Variants in TSHZ2 observed in about 807,000 individuals in gnomAD.
TSHZ2 encodes the protein teashirt homolog 2.
In TSHZ2, 21 loss-of-function variants were observed where a neutral mutation model predicts 74.4. That is an observed-to-expected ratio of 0.28 (90% CI 0.20 to 0.41). The LOEUF is 0.41. Among genes scored for constraint, TSHZ2 ranks in the 10% least tolerant of loss-of-function variants. TSHZ2 has a pLI of 1.00. For synonymous variants in TSHZ2, 540 were observed against 515.3 expected (o/e 1.05, Z -0.65); for missense variants, 1,244 against 1,293.5 (o/e 0.96, Z 0.59).
chr20:53,046,445 C>T lies in TSHZ2; in HGVS notation c.40+73112C>T, dbSNP rs539046057. On this transcript the variant is annotated intron_variant, in intron 1 of 2. Transcript: ENST00000371497. ...TATTTTTATCTTGCCCTGCAGGCTG[C>T]CTCGCCTTGAGCAATGCTGTGTGAT... is the stretch of plus-strand genomic sequence containing the variant. Among the ~76,000 whole-genome samples, 30 of 152,206 alleles carry T rather than the reference C, an allele frequency of 2.0e-4. No homozygotes were observed. The South Asian group carries it at 5.4e-3, about 27-fold the overall frequency.
chr20:53,369,143 T>C (rs1981377717), intron 2 of TSHZ2, among the ~76,000 whole-genome samples: 1 of 152,098 alleles, frequency 6.6e-6, no homozygotes, highest in Non-Finnish European at 1.5e-5. Context: ...TGCACACCTG[T>C]AGTCCCAGCT....
chr20:53,186,821 GGA>G (rs1487446231), intron 1 of TSHZ2, among the ~76,000 whole-genome samples: 7 of 152,140 alleles, frequency 4.6e-5, no homozygotes, highest in Non-Finnish European at 7.4e-5. Flanking sequence ...ATCACTTGGG[GGA>G]GAGTTACTTC....
At chr20:53,037,146 GCGC>G (rs1983852292) in intron 1 of TSHZ2, among the ~76,000 whole-genome samples, 1 of 152,054 alleles carries the variant, frequency 6.6e-6, no homozygotes, top group Non-Finnish European at 1.5e-5. Flanking sequence ...GAATTTTCAG[GCGC>G]CGCCTCCGAG....
At chr20:53,196,258 G>A (rs1391955771) in intron 1 of TSHZ2, 2 of 150,500 alleles carry the variant, frequency 1.3e-5, no homozygotes, top group African/African-American at 4.9e-5. Flanking sequence ...CAATGAGCAA[G>A]AGGAATTCTC....
chr20:52,980,576 T>C (rs1981527425), intron 1 of TSHZ2, among the ~76,000 whole-genome samples: 1 of 152,230 alleles, frequency 6.6e-6, no homozygotes, highest in African/African-American at 2.4e-5. Flanking sequence ...AAGCCATTTC[T>C]ATGGAAATTA....
rs900004840 is a variant in TSHZ2 at position 53,489,022 on chromosome 20, G to A, written c.*1887G>A. Reference sequence around the variant, plus strand: ...ATTCTGAAGTAATGAGGCATGGACAGAAAATATACCCCTCACATCATCGGA... The same window carrying A: ...ATTCTGAAGTAATGAGGCATGGACAAAAAATATACCCCTCACATCATCGGA... On this transcript the variant is annotated 3_prime_UTR_variant, in exon 3 of 3. Transcript: ENST00000371497. The A allele has an allele frequency of 1.3e-5, 6 of 456,088 alleles. No individual in the cohort carries two copies. The highest frequency in any genetic ancestry group is 7.1e-5 in the Admixed American group (3 of 42,546). The allele number at this position is 456,088 out of a possible 1,614,324, so 28.3% of individuals were successfully genotyped here.
At chr20:53,310,363 G>C (rs1285145416) in intron 2 of TSHZ2, among the ~76,000 whole-genome samples, 1 of 152,204 alleles carries the variant, frequency 6.6e-6, no homozygotes, top group Non-Finnish European at 1.5e-5. Flanking sequence ...TCTTAGATGT[G>C]TCACCTAATT....
chr20:53,155,978 T>A (rs1386144761), intron 1 of TSHZ2, among the ~76,000 whole-genome samples: 1 of 152,184 alleles, frequency 6.6e-6, no homozygotes, highest in Non-Finnish European at 1.5e-5. Context: ...AGGTTTTACA[T>A]ATGTCTCTAA....
At chr20:53,271,315 T>C (rs1990833003) in intron 2 of TSHZ2, among the ~76,000 whole-genome samples, 1 of 152,202 alleles carries the variant, frequency 6.6e-6, no homozygotes, top group Non-Finnish European at 1.5e-5. Flanking sequence ...CTGTCTCTTC[T>C]ATCAAGCAGC....
At chr20:53,475,211 T>A (rs1985957382) in intron 2 of TSHZ2, among the ~76,000 whole-genome samples, 1 of 136,696 alleles carries the variant, frequency 7.3e-6, no homozygotes, top group Non-Finnish European at 1.6e-5. Flanking sequence ...ATACATTTTT[T>A]TCAGCACCAC....
At chr20:53,157,509 C>A (rs1164276312) in intron 1 of TSHZ2, among the ~76,000 whole-genome samples, 1 of 151,238 alleles carries the variant, frequency 6.6e-6, no homozygotes, top group African/African-American at 2.4e-5. Context: ...TGGGCTCAAG[C>A]AATCCTCATG....
At chr20:53,284,985 G>A (rs547203065) in intron 2 of TSHZ2, among the ~76,000 whole-genome samples, 4 of 152,244 alleles carry the variant, frequency 2.6e-5, no homozygotes, top group South Asian at 4.2e-4. Flanking sequence ...CACGAGGGCC[G>A]GCGCTGCAAT....
chr20:53,112,635 C>A (rs571079862), intron 1 of TSHZ2, among the ~76,000 whole-genome samples: 1 of 152,166 alleles, frequency 6.6e-6, no homozygotes, highest in South Asian at 2.1e-4. Flanking sequence ...CTCAAGCAAT[C>A]CTGAGTAGCA....
At chr20:53,163,360 CTTTTTTTTT>C (rs55685519) in intron 1 of TSHZ2, among the ~76,000 whole-genome samples, 10 of 65,634 alleles carry the variant, frequency 1.5e-4, no homozygotes, top group East Asian at 6.2e-4. Flanking sequence ...CTCTCTGTCT[CTTTTTTTTT>C]TTTTTTTTTT....
Position 53,246,040 on chromosome 20 carries a change from C to CTTTTTTTTTTTTTTTTTTTTTTT in TSHZ2, c.41-7446_41-7445insTTTTTTTTTTTTTTTTTTTTTTT, listed in dbSNP as rs57243805. On this transcript the variant is annotated intron_variant, in intron 1 of 2. Coordinates refer to ENST00000371497, the MANE Select transcript of TSHZ2 (RefSeq NM_173485.6). Reference sequence around the variant, plus strand: ...TGTGCTTTTCTTTCTTTCTTTCTTTCTTTTTTTTTTTTTGTTTGAGACAGA... The same window carrying CTTTTTTTTTTTTTTTTTTTTTTT: ...TGTGCTTTTCTTTCTTTCTTTCTTTCTTTTTTTTTTTTTTTTTTTTTTTTTTTTTTTTTTTTGTTTGAGACAGA... Among the ~76,000 whole-genome samples the CTTTTTTTTTTTTTTTTTTTTTTT allele has an allele frequency of 1.7e-3, 219 of 130,532 alleles. 4 individuals carry two copies. The highest frequency in any genetic ancestry group is 3.4e-3 in the African/African-American group (109 of 32,284). 85.6% of individuals were successfully genotyped at this position (130,532 alleles called of 152,430 possible). A position where few individuals can be genotyped will look rare whatever the true frequency, so the allele number is the denominator to read the frequency against.
At chr20:53,240,947 TTGG>T (rs1990055044) in intron 1 of TSHZ2, among the ~76,000 whole-genome samples, 1 of 152,172 alleles carries the variant, frequency 6.6e-6, no homozygotes, top group African/African-American at 2.4e-5. Context: ...GAACCATTTA[TTGG>T]TGTTCACCAC....
chr20:53,139,515 A>G (rs1987335485), intron 1 of TSHZ2, among the ~76,000 whole-genome samples: 1 of 152,174 alleles, frequency 6.6e-6, no homozygotes, highest in Non-Finnish European at 1.5e-5. Flanking sequence ...AGCCTGGAGT[A>G]CTTTCCTTCA....
At chr20:53,469,780 G>A (rs1223897480) in intron 2 of TSHZ2, among the ~76,000 whole-genome samples, 1 of 133,530 alleles carries the variant, frequency 7.5e-6, no homozygotes, top group Non-Finnish European at 1.6e-5. Context: ...AAGGGAGGGA[G>A]GGAGGGAGGA....
intron 2 of TSHZ2, among the ~76,000 whole-genome samples, chr20:53,363,598 A>G (rs1268152164): frequency 6.6e-6 from 1 of 152,224 alleles, no homozygotes; most frequent in East Asian, 1.9e-4. Context: ...ATCAAAATAA[A>G]GCAGATAAAT....
Sources: gnomAD v4.1 joint callset for allele counts (sites outside exome capture counted in the v4.1 genomes callset) on GRCh38, gnomAD v4.1.1 for gene constraint, MANE v1.5 for transcripts, NCBI Gene and HGNC (gene_info 2026-07-23, HGNC 2026-07-21) for gene names.